ESRRG: variants seen among roughly 807,000 people sequenced by gnomAD.
ESRRG encodes the protein estrogen related receptor gamma.
In ESRRG, 13 loss-of-function variants were observed where a neutral mutation model predicts 44.0. That is an observed-to-expected ratio of 0.30 (90% confidence interval 0.19 to 0.47). ESRRG has a LOEUF of 0.47. ESRRG is among the 20% of genes least tolerant of loss of function. ESRRG has a pLI of 1.00. For synonymous variants in ESRRG, 215 were observed against 214.6 expected, an observed-to-expected ratio of 1.00 and a Z score of -0.02; for missense variants, 395 against 580.6, an observed-to-expected ratio of 0.68 and a Z score of 3.29.
chr1:216,983,686 A>ATGTGTGTGTG (rs6143621), intron 1 of ESRRG, among the ~76,000 whole-genome samples: 1 of 149,354 alleles, frequency 6.7e-6, no homozygotes, highest in Admixed American at 6.7e-5. Context: ...GTGCATGTGC[A>ATGTGTGTGTG]TGTGTGTGTG....
intron 3 of ESRRG, among the ~76,000 whole-genome samples, chr1:216,646,151 C>CT (rs376874465): frequency 2.0e-5 from 3 of 152,110 alleles, no homozygotes; most frequent in African/African-American, 7.2e-5. Flanking sequence ...GTTAAAGCCC[C>CT]TTTTTTTCCT....
chr1:216,581,678 T>G (rs1430238119), intron 3 of ESRRG, among the ~76,000 whole-genome samples: 2 of 152,014 alleles, frequency 1.3e-5, no homozygotes, highest in Non-Finnish European at 2.9e-5. Context: ...GGGCATGAAC[T>G]GTGGTGAACC....
chr1:217,050,474 T>G (rs7520126), intron 1 of ESRRG, among the ~76,000 whole-genome samples: 63,808 of 151,946 alleles, frequency 0.42, 13,601 homozygotes, highest in East Asian at 0.65. Flanking sequence ...TGCACGTGAG[T>G]GAAGACTTAC....
intron 2 of ESRRG, among the ~76,000 whole-genome samples, chr1:216,662,765 G>A (rs1316776081): frequency 6.6e-6 from 1 of 152,126 alleles, no homozygotes; most frequent in Non-Finnish European, 1.5e-5. Flanking sequence ...GGGCCAGATT[G>A]TACATATTTT....
intron 3 of ESRRG, among the ~76,000 whole-genome samples, chr1:216,573,007 A>G (rs2061084190): frequency 6.6e-6 from 1 of 151,984 alleles, no homozygotes; most frequent in Non-Finnish European, 1.5e-5. Context: ...AAATTACCAA[A>G]TAAGATTATT....
intron 2 of ESRRG, among the ~76,000 whole-genome samples, chr1:216,903,024 A>G (rs1236560074): frequency 1.3e-5 from 2 of 152,322 alleles, no homozygotes; most frequent in South Asian, 2.1e-4. Flanking sequence ...GGTTACTTTC[A>G]TAGCCCAATT....
At chr1:216,927,445 G>A (rs2062743216) in intron 2 of ESRRG, among the ~76,000 whole-genome samples, 1 of 152,212 alleles carries the variant, frequency 6.6e-6, no homozygotes, top group Non-Finnish European at 1.5e-5. Context: ...AAAGTGACCA[G>A]TGAGAATATC....
intron 2 of ESRRG, among the ~76,000 whole-genome samples, chr1:216,932,596 C>T (rs1426499216): frequency 1.4e-4 from 21 of 151,856 alleles, no homozygotes. Context: ...GTCCCTGAGG[C>T]TGAGGTGCAG....
chr1:216,514,959 T>TAC (rs35668576), intron 6 of ESRRG, among the ~76,000 whole-genome samples: 2,553 of 149,228 alleles, frequency 0.017, 57 homozygotes, highest in African/African-American at 0.051. Flanking sequence ...TTTTACTTTA[T>TAC]ACACACACAC....
intron 1 of ESRRG, among the ~76,000 whole-genome samples, chr1:217,009,702 C>CTT (rs11325118): frequency 9.8e-4 from 104 of 106,328 alleles, no homozygotes; most frequent in Non-Finnish European, 1.3e-3. Context: ...TTTTCTTTTT[C>CTT]TTTTTTTTTT....
At chr1:216,837,308 G>T (rs2095581606) in intron 2 of ESRRG, among the ~76,000 whole-genome samples, 1 of 151,922 alleles carries the variant, frequency 6.6e-6, no homozygotes, top group African/African-American at 2.4e-5. Flanking sequence ...CTACTCGGGA[G>T]GCTGAGGCAG....
intron 5 of ESRRG, among the ~76,000 whole-genome samples, chr1:216,542,871 T>G (rs564383130): frequency 2.0e-5 from 3 of 152,094 alleles, no homozygotes; most frequent in Admixed American, 1.3e-4. Flanking sequence ...TTTAATTTAG[T>G]GTTTATTTGC....
At chr1:216,624,922 A>G (rs2062909047) in intron 3 of ESRRG, among the ~76,000 whole-genome samples, 1 of 152,138 alleles carries the variant, frequency 6.6e-6, no homozygotes, top group Non-Finnish European at 1.5e-5. Flanking sequence ...AATTTCCTCA[A>G]TTCTGTTACT....
At chr1:216,841,486 C>G (rs2095652646) in intron 2 of ESRRG, among the ~76,000 whole-genome samples, 1 of 152,092 alleles carries the variant, frequency 6.6e-6, no homozygotes, top group Admixed American at 6.6e-5. Flanking sequence ...GAACACTGGG[C>G]AAAAACAGCT....
At chr1:216,782,880 T>C (rs535871826) in intron 2 of ESRRG, among the ~76,000 whole-genome samples, 23 of 152,126 alleles carry the variant, frequency 1.5e-4, no homozygotes, top group African/African-American at 5.5e-4. Flanking sequence ...ATAAAAAATA[T>C]CTCTTGTCAG....
At chr1:217,116,308 C>A (rs1388104550) in intron 1 of ESRRG, among the ~76,000 whole-genome samples, 1 of 152,130 alleles carries the variant, frequency 6.6e-6, no homozygotes, top group Admixed American at 6.5e-5. Flanking sequence ...AGTTCCCAAA[C>A]AGAGTAAAAA....
intron 1 of ESRRG, among the ~76,000 whole-genome samples, chr1:216,701,665 T>G (rs1329135115): frequency 6.6e-6 from 1 of 152,272 alleles, no homozygotes; most frequent in Non-Finnish European, 1.5e-5. Context: ...TTATTAGCCT[T>G]GCTTTGGGGA....
chr1:216,760,456 A>C (rs1174418931), intron 2 of ESRRG, among the ~76,000 whole-genome samples: 1 of 151,910 alleles, frequency 6.6e-6, no homozygotes, highest in Non-Finnish European at 1.5e-5. Context: ...CCAAATTGAA[A>C]ACCCAGTGTG....
chr1:216,966,703 C>G (rs146748111), intron 1 of ESRRG, among the ~76,000 whole-genome samples: 1 of 152,230 alleles, frequency 6.6e-6, no homozygotes, highest in East Asian at 1.9e-4. Flanking sequence ...GAACCTCAGT[C>G]TACTTCAGTC....
Sources: gnomAD v4.1 joint callset for allele counts (sites outside exome capture counted in the v4.1 genomes callset) on GRCh38, gnomAD v4.1.1 for gene constraint, MANE v1.5 for transcripts, NCBI Gene and HGNC (gene_info 2026-07-23, HGNC 2026-07-21) for gene names.